The following PRG4 variants were observed in gnomAD, a reference collection of about 807,000 sequenced individuals.
PRG4 encodes the protein articular superficial zone protein.
In PRG4, 61 loss-of-function variants were observed where a neutral mutation model predicts 91.2. The observed-to-expected ratio is 0.67, with a 90% CI of 0.54 to 0.83. The LOEUF (loss-of-function observed/expected upper bound fraction) is 0.83, where lower values mean the gene tolerates loss of function less well. Among genes scored for constraint, PRG4 ranks in the 40% least tolerant of loss-of-function variants. The probability of loss-of-function intolerance (pLI) is 0.00; values close to 1 mark genes in which losing one functional copy is unlikely to be tolerated. For synonymous variants in PRG4, 576 were observed against 614.2 expected (o/e 0.94, Z 0.92); for missense variants, 1,564 against 1,714.2 (o/e 0.91, Z 1.55).
chr1:186,305,875 G>A (rs968710205), intron 6 of PRG4, among the ~76,000 whole-genome samples: 1 of 152,140 alleles, frequency 6.6e-6, no homozygotes, highest in Non-Finnish European at 1.5e-5. Context: ...GGGGTGACTG[G>A]GGCAGATTGC....
At chr1:186,300,589 G>A (rs1553222004) in intron 3 of PRG4, among the ~76,000 whole-genome samples, 1 of 152,138 alleles carries the variant, frequency 6.6e-6, no homozygotes, top group Non-Finnish European at 1.5e-5. Flanking sequence ...AGATGTCCTC[G>A]ACTAGTAATG....
chr1:186,308,580 C>A lies in PRG4; in HGVS notation c.2861C>A (p.Thr954Lys). Residue 954 changes from threonine to lysine, a missense_variant, in exon 7 of 13, where the codon ACA becomes AAA. By Grantham distance (78) the Thr-to-Lys change is moderately conservative. Coordinates refer to ENST00000445192, the MANE Select transcript of PRG4 (RefSeq NM_005807.6). ...TTEKTTESKI[T>K]ATTTQVTSTT... Reference sequence around the variant, plus strand: ...GAAAAAACTACCGAATCCAAAATAACAGCTACAACCACACAAGTAACATCT... The same window carrying A: ...GAAAAAACTACCGAATCCAAAATAAAAGCTACAACCACACAAGTAACATCT... 6.2e-7 allele frequency: 1 copy of A among 1,613,622 alleles called. No individual in the cohort carries two copies. Among genetic ancestry groups the A allele is most frequent in the African/African-American group, 1.3e-5 (1 of 75,038 alleles).
intron 4 of PRG4, 93 bp from the exon 5 acceptor site, chr1:186,304,015 A>G (rs1656385039): frequency 1.4e-6 from 2 of 1,384,964 alleles, no homozygotes; most frequent in Admixed American, 1.7e-5. Flanking sequence ...ACCAGCATCT[A>G]CTCTTGAAGC....
In PRG4 at chr1:186,308,111, GCCC is replaced by G. The variant is rs756832372; in HGVS notation, c.2395_2397del (p.Pro799del). The G allele has an allele frequency of 6.2e-7, 1 of 1,602,362 alleles. No homozygotes were observed. The highest frequency in any genetic ancestry group is 1.4e-5 in the African/African-American group (1 of 72,226). On this transcript the variant is annotated inframe_deletion, in exon 7 of 13. Coordinates refer to ENST00000445192, the MANE Select transcript of PRG4 (RefSeq NM_005807.6). ...TGCACCCACTACTCCCAAGAAGCCT[GCCC>G]CCAAGGAGCTTGCACCCACCACCAC...
In PRG4 at chr1:186,307,200, C is replaced by A. The variant is rs542175217; in HGVS notation, c.1481C>A (p.Thr494Asn). 6.3e-7 allele frequency: 1 copy of A among 1,596,508 alleles called. No homozygotes were observed. Among genetic ancestry groups the A allele is most frequent in the South Asian group, 1.1e-5 (1 of 89,852 alleles). The stretch of plus-strand genomic sequence containing the variant: ...GCCCCCAAGAAGCCTGCCCCAACTA[C>A]CCCCAAGGAGCCTGCACCCACCACT... ...PTAPKKPAPT[T>N]PKEPAPTTPK... is the part of the protein sequence containing the mutation. Residue 494 changes from threonine to asparagine, a missense_variant, in exon 7 of 13, where the codon ACC becomes AAC. This residue lies in a region of PRG4 where 1,079 missense variants were observed against 1,162.2 expected (regional missense o/e 0.93). Transcript: ENST00000445192.
At chr1:186,300,774 A>G (rs1006901786) in intron 3 of PRG4, among the ~76,000 whole-genome samples, 49 of 152,212 alleles carry the variant, frequency 3.2e-4, no homozygotes, top group African/African-American at 1.1e-3. Context: ...ATTTTAAATT[A>G]TGAGTGGTGT....
chr1:186,305,013 A>G, intron 6 of PRG4, 91 bp downstream of exon 6: 2 of 1,323,518 alleles, frequency 1.5e-6, no homozygotes, highest in Non-Finnish European at 2.1e-6. Context: ...GAATGAGGAC[A>G]TCTTAATATG....
chr1:186,310,938 C>A, intron 8 of PRG4, 96 bp from the exon 9 acceptor site: 1 of 1,353,774 alleles, frequency 7.4e-7, no homozygotes, highest in South Asian at 1.2e-5. Flanking sequence ...TCCAGTCATA[C>A]AATGCATAAG....
Position 186,297,165 on chromosome 1 carries a change from A to C in PRG4, c.76+214A>C, listed in dbSNP as rs1228502491. Among the ~76,000 whole-genome samples the C allele has an allele frequency of 7.2e-5, 11 of 152,200 alleles. No individual in the cohort carries two copies. In the East Asian group the frequency reaches 2.1e-3, roughly 29 times the overall value. ...TTTTGAGAGTTTTGAGCTTGTATAA[A>C]GAATAATTTTGGTACTTGTTATTTC... On this transcript the variant is annotated intron_variant, in intron 2 of 12. Transcript: ENST00000445192.
chr1:186,311,331 T>C, intron 9 of PRG4, 109 bp from the exon 10 acceptor site: 1 of 1,433,288 alleles, frequency 7.0e-7, no homozygotes, highest in Non-Finnish European at 9.8e-7. Context: ...TGGTCAAAAT[T>C]CAACCGTTTA....
rs1655897101 is a variant in PRG4, at chr1:186,296,933, C to T, written c.58C>T (p.Gln20Ter). The part of the protein sequence containing the change: ...LLLLLSVFVI[Q>*]QVSSQDLSSC... ...GTTGCTGCTGTCTGTTTTCGTGATT[C>T]AGCAAGTTTCATCTCAAGGTAGCTT... is the stretch of plus-strand genomic sequence containing the variant. Residue 20 changes from glutamine (Q) to a stop codon, truncating the protein, a stop_gained, in exon 2 of 13, where the codon CAG becomes TAG. Coordinates refer to ENST00000445192, the MANE Select transcript of PRG4 (RefSeq NM_005807.6). LOFTEE classifies it high-confidence loss of function. 3 of 1,613,690 alleles carry T rather than the reference C, an allele frequency of 1.9e-6. No homozygotes were observed. The highest frequency in any genetic ancestry group is 4.5e-5 in the East Asian group (2 of 44,858).
chr1:186,301,756 C>A (rs372864977), intron 4 of PRG4, 45 bp downstream of exon 4: 3 of 1,597,922 alleles, frequency 1.9e-6, no homozygotes, highest in African/African-American at 2.7e-5. Context: ...ACAGCCAGAT[C>A]TGTGCACCTA....
intron 8 of PRG4, 56 bp downstream of exon 8, chr1:186,309,926 G>A: frequency 1.4e-6 from 2 of 1,467,016 alleles, no homozygotes; most frequent in Non-Finnish European, 1.9e-6. Flanking sequence ...GCATTTATGA[G>A]AACCAAAGCC....
chr1:186,308,334 G>A lies in PRG4; in HGVS notation c.2615G>A (p.Ser872Asn), dbSNP rs1182251844. 6.2e-7 allele frequency: 1 copy of A among 1,613,878 alleles called. No homozygotes were observed. ...TTKEPTTIHK[S>N]PDESTPELSA... The stretch of plus-strand genomic sequence containing the variant: ...AAGGAGCCTACCACTATCCACAAAA[G>A]CCCTGATGAATCAACTCCTGAGCTT... The change falls in exon 7 of 13, where the codon AGC (serine) becomes AAC (asparagine). Residue 872 changes from serine to asparagine, a missense_variant. Around this residue, in one of 3 missense-constraint regions of PRG4, gnomAD observed 1,079 missense variants for 1,162.2 expected, o/e 0.93. Coordinates refer to ENST00000445192, the MANE Select transcript of PRG4 (RefSeq NM_005807.6).
intron 2 of PRG4, among the ~76,000 whole-genome samples, chr1:186,298,863 T>C (rs1381276128): frequency 1.3e-5 from 2 of 151,900 alleles, no homozygotes; most frequent in African/African-American, 4.8e-5. Context: ...CTCATTCTCT[T>C]TTTTCTTTAT....
Position 186,309,665 on chromosome 1 carries a change from C to G in PRG4, c.3422-128C>G, listed in dbSNP as rs1657028055. 4 of 731,900 alleles carry G rather than the reference C, an allele frequency of 5.5e-6. No individual in the cohort carries two copies. In the Admixed American group the frequency reaches 8.0e-5, roughly 15 times the overall value. The allele number at this position is 731,900 out of a possible 1,614,324, so 45.3% of individuals were successfully genotyped here. ...CAAGTATATAACTATGCAAACAGGT[C>G]AAACTGTGTCCTTCAAGATCTTAGA... On this transcript the variant is annotated intron_variant, in intron 7 of 12. Transcript: ENST00000445192.
chr1:186,301,492 T>G lies in PRG4; in HGVS notation c.200-100T>G, dbSNP rs1023269344. ...CAAATAAAAGACTTAGAAATGAACT[T>G]TTGGAAACCTAGTCAAGTCTAAGGT... is the stretch of plus-strand genomic sequence containing the variant. On this transcript the variant is annotated intron_variant, in intron 3 of 12. Transcript: ENST00000445192. The G allele has an allele frequency of 3.0e-5, 47 of 1,545,234 alleles. No individual in the cohort carries two copies. The African/African-American group carries it at 6.1e-4, about 20-fold the overall frequency.
chr1:186,296,783 T>C (rs889405557), intron 1 of PRG4, 63 bp from the exon 2 acceptor site: 5 of 859,344 alleles, frequency 5.8e-6, no homozygotes, highest in African/African-American at 1.7e-5. Flanking sequence ...ATGTGTATAA[T>C]GCAAGCCTAA....
At position 186,306,747 on chromosome 1, in the gene PRG4, C is replaced by T; in HGVS notation, c.1028C>T (p.Ala343Val). The T allele has an allele frequency of 2.5e-6, 4 of 1,613,656 alleles. No individual in the cohort carries two copies. The highest frequency in any genetic ancestry group is 2.2e-5 in the East Asian group (1 of 44,888). ...GCTGAAACTACAACCAAAGGCCCTGCTCTCACCACTCCCAAGGAGCCCACG... is the reference window on the plus strand; with the variant it reads ...GCTGAAACTACAACCAAAGGCCCTGTTCTCACCACTCCCAAGGAGCCCACG... ...PKAETTTKGP[A>V]LTTPKEPTPT... Residue 343 changes from alanine (A) to valine (V), a missense_variant, in exon 7 of 13, where the codon GCT (alanine) becomes GTT (valine). Around this residue, in one of 3 missense-constraint regions of PRG4, gnomAD observed 437 missense variants for 459.0 expected, o/e 0.95. Coordinates refer to ENST00000445192, the MANE Select transcript of PRG4 (RefSeq NM_005807.6).
Sources: allele counts gnomAD v4.1 joint callset (sites outside exome capture counted in the v4.1 genomes callset), GRCh38; gene constraint gnomAD v4.1.1; regional missense constraint gnomAD v4.1.1; transcripts MANE v1.5; gene names NCBI Gene and HGNC (gene_info 2026-07-23, HGNC 2026-07-21).